PGK2: variants seen among roughly 807,000 people sequenced by gnomAD.
The protein encoded by PGK2 is epididymis secretory protein Li 272.
PGK2 carries 5 observed loss-of-function variants against 5.2 expected under a neutral mutation model. The observed-to-expected ratio is 0.96, with a 90% CI of 0.50 to 2.01. The LOEUF is 2.01. PGK2 is among the 30% of genes most tolerant of loss of function. The pLI, the probability that PGK2 is intolerant of heterozygous loss-of-function variation, is 0.01. For missense variants in PGK2, 588 were observed against 506.8 expected (o/e 1.16, Z -1.54); for synonymous variants, 210 against 182.6 (o/e 1.15, Z -1.21).
In PGK2 at chr6:49,786,877, A is replaced by G. The variant is rs762388996; in HGVS notation, c.311T>C (p.Val104Ala). 3.1e-6 allele frequency: 5 copies of G among 1,614,008 alleles called. No homozygotes were observed. Among genetic ancestry groups the G allele is most frequent in the Non-Finnish European group, 4.2e-6 (5 of 1,179,982 alleles). Reference sequence around the variant, plus strand: ...AGCTGGGTTGGCACAGGCTTTCTCCACTTCTGCGCCTACACAGTCCTTCAG... The same window carrying G: ...AGCTGGGTTGGCACAGGCTTTCTCCGCTTCTGCGCCTACACAGTCCTTCAG... ...LFLKDCVGAE[V>A]EKACANPAPG... The change falls in exon 1 of 1, where the codon GTG becomes GCG. Residue 104 changes from valine to alanine, a missense_variant. By Grantham distance (64) the Val-to-Ala change is moderately conservative (BLOSUM62 0). Coordinates refer to ENST00000304801, the MANE Select transcript of PGK2 (RefSeq NM_138733.5).
At position 49,786,996 on chromosome 6, in the gene PGK2, T is replaced by C. The variant is rs1223540079; in HGVS notation, c.192A>G (p.Leu64=). 2 of 1,614,048 alleles carry C rather than the reference T, an allele frequency of 1.2e-6. No homozygotes were observed. The highest frequency in any genetic ancestry group is 1.7e-6 in the Non-Finnish European group (2 of 1,179,926). ...GAKAVVLMSH[L]GRPDGVPMPD... ...GCATGGGAACACCATCAGGCCGACC[T>C]AGATGACTCATAAGAACTACTGCCT... Residue 64 remains leucine (L), a synonymous_variant, in exon 1 of 1, where the codon CTA becomes CTG. Coordinates refer to ENST00000304801, the MANE Select transcript of PGK2 (RefSeq NM_138733.5).
Position 49,786,554 on chromosome 6 carries a change from G to T in PGK2, c.634C>A (p.Leu212Ile), listed in dbSNP as rs753247513. 1 of 1,614,122 alleles carries T rather than the reference G, an allele frequency of 6.2e-7. No individual in the cohort carries two copies. Among genetic ancestry groups the T allele is most frequent in the South Asian group, 1.1e-5 (1 of 91,082 alleles). Residue 212 changes from leucine (L) to isoleucine (I), a missense_variant, in exon 1 of 1, where the codon CTT (leucine) becomes ATT (isoleucine). By Grantham distance (5) the Leu-to-Ile change is conservative. Transcript: ENST00000304801. ...TTGTCTGCCACTTTGGCTCCACCAA[G>T]TATAGCCAGAAAGGGTCTCACTGGG... ...ENPVRPFLAI[L>I]GGAKVADKIQ...
rs765106365 is a variant in PGK2, at chr6:49,787,004, T to A, written c.184A>T (p.Ser62Cys). 6.2e-7 allele frequency: 1 copy of A among 1,614,094 alleles called. No homozygotes were observed. The highest frequency in any genetic ancestry group is 1.7e-5 in the Admixed American group (1 of 60,004). The stretch of plus-strand genomic sequence containing the variant: ...ACACCATCAGGCCGACCTAGATGAC[T>A]CATAAGAACTACTGCCTTGGCTCCA... ...DNGAKAVVLM[S>C]HLGRPDGVPM... Residue 62 changes from serine (S) to cysteine (C), a missense_variant, in exon 1 of 1, where the codon AGT becomes TGT. Ser to Cys is a moderately radical substitution (Grantham distance 112). Transcript: ENST00000304801.
rs1373719027 is a variant in PGK2, at chr6:49,786,833, G to C, written c.355C>G (p.Leu119Val). 6.2e-7 allele frequency: 1 copy of C among 1,614,132 alleles called. No individual in the cohort carries two copies. The highest frequency in any genetic ancestry group is 1.1e-5 in the South Asian group (1 of 91,078). Residue 119 changes from leucine (L) to valine (V), a missense_variant, in exon 1 of 1, where the codon CTG becomes GTG. Transcript: ENST00000304801. ...TCCACATGAAAGCGCAGGTTCTCCA[G>C]CAGGATGACTGAACCAGGAGCTGGG... ...ANPAPGSVIL[L>V]ENLRFHVEEE... is the part of the protein sequence containing the mutation.
In PGK2 at chr6:49,787,177, G is replaced by A; in HGVS notation, c.11C>T (p.Ser4Phe). The A allele has an allele frequency of 6.2e-7, 1 of 1,611,358 alleles. No homozygotes were observed. Among genetic ancestry groups the A allele is most frequent in the Non-Finnish European group, 8.5e-7 (1 of 1,178,080 alleles). Residue 4 changes from serine to phenylalanine, a missense_variant, in exon 1 of 1, where the codon TCT becomes TTT. Coordinates refer to ENST00000304801, the MANE Select transcript of PGK2 (RefSeq NM_138733.5). MSLSKKLTLDKLDV... is the reference protein window; with the variant it reads MSLFKKLTLDKLDV... ...CAGTTTGTCTAAAGTCAACTTCTTA[G>A]AAAGAGACATCTTGACAATATAAAG... is the stretch of plus-strand genomic sequence containing the variant.
chr6:49,786,455 G>C lies in PGK2; in HGVS notation c.733C>G (p.Leu245Val). 1 of 1,614,072 alleles carries C rather than the reference G, an allele frequency of 6.2e-7. No individual in the cohort carries two copies. Among genetic ancestry groups the C allele is most frequent in the Non-Finnish European group, 8.5e-7 (1 of 1,179,964 alleles). The part of the protein sequence containing the change: ...IIGGGMAYTF[L>V]KVLNNMEIGA... ...ATCTCCATGTTGTTGAGTACCTTAA[G>C]GAAGGTATAAGCCATTCCACCACCA... Residue 245 changes from leucine (L) to valine (V), a missense_variant, in exon 1 of 1, where the codon CTT (leucine) becomes GTT (valine). Transcript: ENST00000304801.
At position 49,785,859 on chromosome 6, in the gene PGK2, C is replaced by A. The variant is rs1359738624; in HGVS notation, c.*75G>T. ...TCTAGGAGTAGATTTTAACAAAAGT[C>A]ACATCGAGATGTAAAAGCATTAAGC... On this transcript the variant is annotated 3_prime_UTR_variant, in exon 1 of 1. Transcript: ENST00000304801. The A allele has an allele frequency of 5.7e-6, 7 of 1,225,154 alleles. No individual in the cohort carries two copies. The East Asian group carries it at 1.6e-4, about 29-fold the overall frequency. 75.9% of individuals were successfully genotyped at this position (1,225,154 alleles called of 1,614,324 possible).
chr6:49,786,911 C>T lies in PGK2; in HGVS notation c.277G>A (p.Val93Ile), dbSNP rs1429849799. Residue 93 changes from valine to isoleucine, a missense_variant, in exon 1 of 1, where the codon GTT (valine) becomes ATT (isoleucine). Physicochemically the swap from Val to Ile is conservative, Grantham distance 29 (BLOSUM62 3). Transcript: ENST00000304801. ...VELKSLLGKDVLFLKDCVGAE... is the reference protein window; with the variant it reads ...VELKSLLGKDILFLKDCVGAE... ...CCTACACAGTCCTTCAGGAACAGAA[C>T]ATCCTTGCCCAGCAAGGATTTGAGC... The T allele has an allele frequency of 1.2e-6, 2 of 1,614,078 alleles. No homozygotes were observed. The highest frequency in any genetic ancestry group is 2.2e-5 in the South Asian group (2 of 91,076).
Position 49,787,279 on chromosome 6 carries a change from C to A in PGK2, c.-92G>T, listed in dbSNP as rs1051891924. 5.9e-6 allele frequency: 5 copies of A among 852,094 alleles called. No homozygotes were observed. In the African/African-American group the frequency reaches 8.4e-5, roughly 14 times the overall value. 52.8% of individuals were successfully genotyped at this position (852,094 alleles called of 1,614,324 possible). A position where few individuals can be genotyped will look rare whatever the true frequency, so the allele number is the denominator to read the frequency against. ...GGGCTGGGTCGGTGGTGACTTCTAA[C>A]GCCTTTGCCCTTGTCCCGCCCCTTT... is the stretch of plus-strand genomic sequence containing the variant. On this transcript the variant is annotated 5_prime_UTR_variant, in exon 1 of 1. Transcript: ENST00000304801.
chr6:49,786,858 G>C lies in PGK2; in HGVS notation c.330C>G (p.Asn110Lys). 6.2e-7 allele frequency: 1 copy of C among 1,614,118 alleles called. No individual in the cohort carries two copies. Among genetic ancestry groups the C allele is most frequent in the African/African-American group, 1.3e-5 (1 of 75,028 alleles). Residue 110 changes from asparagine to lysine, a missense_variant, in exon 1 of 1, where the codon AAC becomes AAG. Coordinates refer to ENST00000304801, the MANE Select transcript of PGK2 (RefSeq NM_138733.5). Reference sequence around the variant, plus strand: ...GCAGGATGACTGAACCAGGAGCTGGGTTGGCACAGGCTTTCTCCACTTCTG... The same window carrying C: ...GCAGGATGACTGAACCAGGAGCTGGCTTGGCACAGGCTTTCTCCACTTCTG... ...VGAEVEKACA[N>K]PAPGSVILLE...
In PGK2 at chr6:49,785,792, A is replaced by T; in HGVS notation, c.*142T>A. On this transcript the variant is annotated 3_prime_UTR_variant, in exon 1 of 1. Transcript: ENST00000304801. Reference sequence around the variant, plus strand: ...AATGAATTGCTGTGCTGATATTAAGAGTTCCTGATGGCCTGCTGCTTGTCC... The same window carrying T: ...AATGAATTGCTGTGCTGATATTAAGTGTTCCTGATGGCCTGCTGCTTGTCC... 1.5e-6 allele frequency: 1 copy of T among 652,196 alleles called. No homozygotes were observed. Among genetic ancestry groups the T allele is most frequent in the African/African-American group, 1.8e-5 (1 of 55,080 alleles). 40.4% of individuals were successfully genotyped at this position (652,196 alleles called of 1,614,324 possible).
At position 49,786,820 on chromosome 6, in the gene PGK2, C is replaced by A. The variant is rs569887019; in HGVS notation, c.368G>T (p.Arg123Leu). 1.9e-6 allele frequency: 3 copies of A among 1,614,126 alleles called. No individual in the cohort carries two copies. Among genetic ancestry groups the A allele is most frequent in the Non-Finnish European group, 1.7e-6 (2 of 1,180,016 alleles). Reference protein sequence around the residue: ...PGSVILLENLRFHVEEEGKGQ... With the variant: ...PGSVILLENLLFHVEEEGKGQ... The stretch of plus-strand genomic sequence containing the variant: ...CTTCCCTTCTTCCTCCACATGAAAG[C>A]GCAGGTTCTCCAGCAGGATGACTGA... The change falls in exon 1 of 1, where the codon CGC becomes CTC. Residue 123 changes from arginine to leucine, a missense_variant. Coordinates refer to ENST00000304801, the MANE Select transcript of PGK2 (RefSeq NM_138733.5).
chr6:49,786,495 G>T lies in PGK2; in HGVS notation c.693C>A (p.Val231=), dbSNP rs1028293140. The change falls in exon 1 of 1, where the codon GTC becomes GTA. Residue 231 remains valine (V), a synonymous_variant. Coordinates refer to ENST00000304801, the MANE Select transcript of PGK2 (RefSeq NM_138733.5). ...TTCCACCACCAATAATCATCTCATT[G>T]ACTTTGTCCAGCATATTTTTGATAA... The part of the protein sequence containing the change: ...IQLIKNMLDK[V]NEMIIGGGMA... 7.4e-6 allele frequency: 12 copies of T among 1,613,976 alleles called. No individual in the cohort carries two copies. Among genetic ancestry groups the T allele is most frequent in the Non-Finnish European group, 1.0e-5 (12 of 1,180,002 alleles).
At position 49,786,253 on chromosome 6, in the gene PGK2, A is replaced by G; in HGVS notation, c.935T>C (p.Met312Thr). The change falls in exon 1 of 1, where the codon ATG becomes ACG. Residue 312 changes from methionine to threonine, a missense_variant. Physicochemically the swap from Met to Thr is moderately conservative, Grantham distance 81 (BLOSUM62 -1). Transcript: ENST00000304801. ...TVASGISPGWMGLDCGPESNK... is the reference protein window; with the variant it reads ...TVASGISPGWTGLDCGPESNK... Reference sequence around the variant, plus strand: ...GCTCTCAGGACCACAGTCCAAACCCATCCAGCCAGGAGATATGCCAGATGC... The same window carrying G: ...GCTCTCAGGACCACAGTCCAAACCCGTCCAGCCAGGAGATATGCCAGATGC... The G allele has an allele frequency of 6.2e-7, 1 of 1,614,112 alleles. No homozygotes were observed. The highest frequency in any genetic ancestry group is 8.5e-7 in the Non-Finnish European group (1 of 1,180,006).
Position 49,787,169 on chromosome 6 carries a change from A to G in PGK2, c.19T>C (p.Leu7=), listed in dbSNP as rs1769930628. The G allele has an allele frequency of 1.9e-6, 3 of 1,612,622 alleles. No homozygotes were observed. The highest frequency in any genetic ancestry group is 2.5e-6 in the Non-Finnish European group (3 of 1,178,998). ...CTAACATCCAGTTTGTCTAAAGTCA[A>G]CTTCTTAGAAAGAGACATCTTGACA... is the stretch of plus-strand genomic sequence containing the variant. The part of the protein sequence containing the change: MSLSKK[L]TLDKLDVRGK... Residue 7 remains leucine, a synonymous_variant, in exon 1 of 1, where the codon TTG becomes CTG. Transcript: ENST00000304801.
chr6:49,785,745 G>A lies in PGK2; in HGVS notation c.*189C>T. The A allele has an allele frequency of 1.7e-6, 1 of 589,536 alleles. No individual in the cohort carries two copies. Among genetic ancestry groups the A allele is most frequent in the Non-Finnish European group, 3.0e-6 (1 of 332,550 alleles). The allele number at this position is 589,536 out of a possible 1,614,324, so 36.5% of individuals were successfully genotyped here. Reference sequence around the variant, plus strand: ...TGAAGTTCAAATGAGAACTTGAACAGGCAAATGCGTGACCAAACTAAAATG... The same window carrying A: ...TGAAGTTCAAATGAGAACTTGAACAAGCAAATGCGTGACCAAACTAAAATG... On this transcript the variant is annotated 3_prime_UTR_variant, in exon 1 of 1. Transcript: ENST00000304801.
In PGK2 at chr6:49,786,741, G is replaced by A. The variant is rs780971487; in HGVS notation, c.447C>T (p.Ala149=). ...KIKAEPDKIE[A]FRASLSKLGD... ...CTAGCTTGGAAAGTGATGCTCGGAA[G>A]GCTTCTATTTTATCTGGCTCAGCTT... Residue 149 remains alanine (A), a synonymous_variant, in exon 1 of 1, where the codon GCC becomes GCT. Transcript: ENST00000304801. 3 of 1,614,120 alleles carry A rather than the reference G, an allele frequency of 1.9e-6. No homozygotes were observed. Among genetic ancestry groups the A allele is most frequent in the East Asian group, 4.5e-5 (2 of 44,864 alleles).
chr6:49,787,198 T>C lies in PGK2; in HGVS notation c.-11A>G. ...CTTAGAAAGAGACATCTTGACAATATAAAGACATAGGCTGACACCTGGATC... is the reference window on the plus strand; with the variant it reads ...CTTAGAAAGAGACATCTTGACAATACAAAGACATAGGCTGACACCTGGATC... On this transcript the variant is annotated 5_prime_UTR_variant, in exon 1 of 1. Coordinates refer to ENST00000304801, the MANE Select transcript of PGK2 (RefSeq NM_138733.5). The C allele has an allele frequency of 6.2e-7, 1 of 1,602,366 alleles. No individual in the cohort carries two copies. The highest frequency in any genetic ancestry group is 8.5e-7 in the Non-Finnish European group (1 of 1,172,522).
chr6:49,785,998 C>A lies in PGK2; in HGVS notation c.1190G>T (p.Gly397Val), dbSNP rs758373597. The A allele has an allele frequency of 1.9e-6, 3 of 1,614,094 alleles. No individual in the cohort carries two copies. The highest frequency in any genetic ancestry group is 3.3e-5 in the Admixed American group (2 of 60,018). ...ACCTTCCAGAAGCTCTAGACTGGCA[C>A]CGCCTCCAGTGCTGACATGGCTGAC... ...DKVSHVSTGG[G>V]ASLELLEGKI... The change falls in exon 1 of 1, where the codon GGT (glycine) becomes GTT (valine). Residue 397 changes from glycine (G) to valine (V), a missense_variant. By Grantham distance (109) the Gly-to-Val change is moderately radical. Transcript: ENST00000304801.
Sources: allele counts gnomAD v4.1 joint callset, GRCh38; gene constraint gnomAD v4.1.1; transcripts MANE v1.5; gene names NCBI Gene and HGNC (gene_info 2026-07-23, HGNC 2026-07-21).